The following KATNBL1 variants were observed in gnomAD, a reference collection of about 807,000 sequenced individuals.
KATNBL1 encodes the protein katanin regulatory subunit B1 like 1.
A neutral mutation model predicts 44.7 loss-of-function variants in KATNBL1; 28 were observed. The observed-to-expected ratio is 0.63, with a 90% CI of 0.46 to 0.86. The LOEUF (loss-of-function observed/expected upper bound fraction) is 0.86. Among genes scored for constraint, KATNBL1 ranks in the 40% least tolerant of loss-of-function variants. The pLI, the probability that KATNBL1 is intolerant of heterozygous loss-of-function variation, is 0.00. For missense variants in KATNBL1, 272 were observed against 350.7 expected, an observed-to-expected ratio of 0.78 and a Z score of 1.79; for synonymous variants, 78 against 114.9, an observed-to-expected ratio of 0.68 and a Z score of 2.06.
chr15:34,205,615 T>C (rs1890274735), intron 1 of KATNBL1, among the ~76,000 whole-genome samples: 1 of 152,130 alleles, frequency 6.6e-6, no homozygotes, highest in Non-Finnish European at 1.5e-5. Flanking sequence ...GGAGGTATTT[T>C]TACATTGTAG....
intron 1 of KATNBL1, among the ~76,000 whole-genome samples, chr15:34,181,754 A>G (rs138936703): frequency 0.038 from 3,568 of 93,430 alleles, 1,319 homozygotes; most frequent in African/African-American, 0.099. Context: ...ATGTCCATAT[A>G]TATATCCATA....
rs187206891 is a variant in KATNBL1 at position 34,192,314 on chromosome 15, G to A, written c.-15+17637C>T. Among the ~76,000 whole-genome samples, 64 of 150,882 alleles carry A rather than the reference G, an allele frequency of 4.2e-4. 1 individual carries two copies. The East Asian group carries it at 0.012, about 28-fold the overall frequency. ...TGCTACTCAGGAGGCTGAAGCAGGA[G>A]AATTGCTTGAACCCAGGAGGCAGAG... On this transcript the variant is annotated intron_variant, in intron 1 of 9. Coordinates refer to ENST00000256544, the MANE Select transcript of KATNBL1 (RefSeq NM_024713.3).
At chr15:34,158,590 G>T (rs1273428754) in intron 2 of KATNBL1, among the ~76,000 whole-genome samples, 1 of 151,904 alleles carries the variant, frequency 6.6e-6, no homozygotes, top group Non-Finnish European at 1.5e-5. Context: ...TGTGGACCAG[G>T]TCTTGGCCTT....
At chr15:34,175,542 A>G (rs1243149308) in intron 1 of KATNBL1, among the ~76,000 whole-genome samples, 2 of 152,242 alleles carry the variant, frequency 1.3e-5, no homozygotes, top group African/African-American at 4.8e-5. Context: ...CAGTTTTCTA[A>G]AACTTTTTAA....
rs1357889470 is a variant in KATNBL1 at position 34,140,692 on chromosome 15, A to G, written c.*1647T>C. 1 of 152,190 alleles carries G rather than the reference A, an allele frequency of 6.6e-6. No individual in the cohort carries two copies. Among genetic ancestry groups the G allele is most frequent in the Middle Eastern group, 3.2e-3 (1 of 316 alleles). 9.4% of individuals were successfully genotyped at this position (152,190 alleles called of 1,614,324 possible). A position where few individuals can be genotyped will look rare whatever the true frequency, so the allele number is the denominator to read the frequency against. ...ACAGGAATAAGCACAAAGAAAGGTT[A>G]TATTTTATCATGTTAAAAGTTTCAC... On this transcript the variant is annotated 3_prime_UTR_variant, in exon 10 of 10. Coordinates refer to ENST00000256544, the MANE Select transcript of KATNBL1 (RefSeq NM_024713.3).
At chr15:34,147,095 G>GA in intron 7 of KATNBL1, 105 bp downstream of exon 7, 1 of 703,802 alleles carries the variant, frequency 1.4e-6, no homozygotes, top group Non-Finnish European at 2.5e-6. Flanking sequence ...CTTGAAAACA[G>GA]AAACCTTGCA....
chr15:34,173,084 C>G (rs1889220751), intron 1 of KATNBL1, among the ~76,000 whole-genome samples: 1 of 150,634 alleles, frequency 6.6e-6, no homozygotes, highest in Non-Finnish European at 1.5e-5. Flanking sequence ...GGAAGAGAAA[C>G]CTGAAGCTAT....
At position 34,146,958 on chromosome 15, in the gene KATNBL1, CCTTTT is replaced by C. The variant is rs547367226; in HGVS notation, c.699-113_699-109del. On this transcript the variant is annotated intron_variant, in intron 7 of 9. Transcript: ENST00000256544. Reference sequence around the variant, plus strand: ...AACACACACACACATTGGTCCCTTCCCTTTTAAAAAATTGTTACCTTCATGATCTA... The same window carrying C: ...AACACACACACACATTGGTCCCTTCCAAAAAATTGTTACCTTCATGATCTA... 6.3e-4 allele frequency: 460 copies of C among 728,138 alleles called. 2 individuals are homozygous for C. In the East Asian group the frequency reaches 9.8e-3, roughly 15 times the overall value. The allele number at this position is 728,138 out of a possible 1,614,324, so 45.1% of individuals were successfully genotyped here. A position where few individuals can be genotyped will look rare whatever the true frequency, so the allele number is the denominator to read the frequency against.
intron 1 of KATNBL1, among the ~76,000 whole-genome samples, chr15:34,171,852 CAT>C (rs1372125294): frequency 4.0e-5 from 6 of 151,234 alleles, no homozygotes; most frequent in Non-Finnish European, 5.9e-5. Context: ...AACCAAACAC[CAT>C]ATGTTCTCAC....
At chr15:34,155,592 T>C (rs1888614242) in intron 2 of KATNBL1, among the ~76,000 whole-genome samples, 1 of 152,230 alleles carries the variant, frequency 6.6e-6, no homozygotes, top group Non-Finnish European at 1.5e-5. Flanking sequence ...ATGCCTTTGT[T>C]ATACTTTCAT....
chr15:34,149,546 C>T (rs1026831755), intron 4 of KATNBL1, among the ~76,000 whole-genome samples: 5 of 152,052 alleles, frequency 3.3e-5, no homozygotes, highest in African/African-American at 1.2e-4. Context: ...GCCTCACCCT[C>T]CCCGAGTAGC....
At chr15:34,149,220 A>C (rs1888395920) in intron 4 of KATNBL1, among the ~76,000 whole-genome samples, 1 of 152,126 alleles carries the variant, frequency 6.6e-6, no homozygotes, top group East Asian at 1.9e-4. Flanking sequence ...AAAAGTAAAA[A>C]CTCTCTGCCT....
intron 1 of KATNBL1, among the ~76,000 whole-genome samples, chr15:34,169,055 A>T (rs973971848): frequency 5.9e-5 from 9 of 152,216 alleles, no homozygotes; most frequent in African/African-American, 9.6e-5. Context: ...AAACAAATTC[A>T]AAAGGTAGCA....
intron 1 of KATNBL1, among the ~76,000 whole-genome samples, chr15:34,172,550 C>A (rs1056317882): frequency 1.3e-5 from 2 of 152,092 alleles, no homozygotes; most frequent in African/African-American, 4.8e-5. Flanking sequence ...AGCCACTGCA[C>A]CCAGCCTAGG....
chr15:34,176,478 T>G (rs1889337114), intron 1 of KATNBL1, among the ~76,000 whole-genome samples: 2 of 152,168 alleles, frequency 1.3e-5, no homozygotes, highest in Admixed American at 1.3e-4. Flanking sequence ...TGATTCAATT[T>G]AAATGAAAAT....
intron 1 of KATNBL1, among the ~76,000 whole-genome samples, chr15:34,206,169 A>T (rs1890288016): frequency 6.6e-6 from 1 of 152,202 alleles, no homozygotes; most frequent in Admixed American, 6.5e-5. Flanking sequence ...CAAGCTGTGC[A>T]TCTTAAGAGT....
intron 1 of KATNBL1, among the ~76,000 whole-genome samples, chr15:34,194,066 C>A (rs911245475): frequency 2.0e-5 from 3 of 151,956 alleles, no homozygotes; most frequent in Admixed American, 6.6e-5. Flanking sequence ...CTTGGCCTCC[C>A]GAGCAGCTGG....
At chr15:34,176,125 A>G (rs1365979471) in intron 1 of KATNBL1, among the ~76,000 whole-genome samples, 1 of 151,788 alleles carries the variant, frequency 6.6e-6, no homozygotes, top group Non-Finnish European at 1.5e-5. Flanking sequence ...CTGTAATACC[A>G]ACACTTTGGG....
chr15:34,196,729 A>AAAAG (rs568143095), intron 1 of KATNBL1, among the ~76,000 whole-genome samples: 96 of 152,250 alleles, frequency 6.3e-4, no homozygotes, highest in South Asian at 3.7e-3. Context: ...CTCCGTCTCA[A>AAAAG]AAAGAAAGAA....
Sources: gnomAD v4.1 joint callset for allele counts (sites outside exome capture counted in the v4.1 genomes callset) on GRCh38, gnomAD v4.1.1 for gene constraint, MANE v1.5 for transcripts, NCBI Gene and HGNC (gene_info 2026-07-23, HGNC 2026-07-21) for gene names.